Variants in MEGF11 observed in about 807,000 individuals in gnomAD.
MEGF11 encodes multiple EGF like domains 11, also known as multiple epidermal growth factor-like domains protein 11.
MEGF11 carries 126 observed loss-of-function variants against 146.6 expected under a neutral mutation model. The ratio of observed to expected loss-of-function variants is 0.86; its 90% CI spans 0.74 to 1.00. The LOEUF (loss-of-function observed/expected upper bound fraction) is 1.00, where lower values mean the gene tolerates loss of function less well. Ranked by LOEUF, MEGF11 falls within the 50% of genes least tolerant of loss-of-function variation. The pLI, the probability that MEGF11 is intolerant of heterozygous loss-of-function variation, is 0.00. For synonymous variants in MEGF11, 532 were observed against 583.4 expected (o/e 0.91, Z 1.27); for missense variants, 1,509 against 1,521.2 (o/e 0.99, Z 0.13).
At chr15:66,183,449 G>A (rs149589252) in intron 1 of MEGF11, among the ~76,000 whole-genome samples, 92 of 151,434 alleles carry the variant, frequency 6.1e-4, no homozygotes, top group African/African-American at 2.2e-3. Context: ...GCAGTGAGCC[G>A]AGATTGCGCC....
At chr15:66,076,035 G>A (rs1269414078) in intron 5 of MEGF11, among the ~76,000 whole-genome samples, 2 of 152,200 alleles carry the variant, frequency 1.3e-5, no homozygotes, top group Non-Finnish European at 1.5e-5. Flanking sequence ...AAGGGCTTAA[G>A]AAATGTCTGC....
At chr15:66,000,829 C>T (rs557939804) in intron 5 of MEGF11, among the ~76,000 whole-genome samples, 1 of 152,228 alleles carries the variant, frequency 6.6e-6, no homozygotes, top group South Asian at 2.1e-4. Context: ...AAGCGAAAGG[C>T]CCCAGGAAGA....
In MEGF11 at chr15:66,151,595, C is replaced by G. The variant is rs2089573229; in HGVS notation, c.-8-23184G>C. Among the ~76,000 whole-genome samples the G allele has an allele frequency of 2.0e-5, 3 of 152,238 alleles. No individual in the cohort carries two copies. The South Asian group carries it at 6.2e-4, about 32-fold the overall frequency. ...CTGAAATGATAGGAGAAATCCCAGT[C>G]TCCTGATCTTCTAAGGAGTCCTCAG... On this transcript the variant is annotated intron_variant, in intron 1 of 25. Coordinates refer to ENST00000395614, the MANE Select transcript of MEGF11 (RefSeq NM_001385028.1).
chr15:66,199,952 A>G (rs1044384567), intron 1 of MEGF11, among the ~76,000 whole-genome samples: 15 of 149,176 alleles, frequency 1.0e-4, no homozygotes, highest in African/African-American at 3.5e-4. Flanking sequence ...TGGTATATCT[A>G]CAAGATGATC....
rs559412547 is a variant in MEGF11 at position 66,119,360 on chromosome 15, T to A, written c.201-174A>T. ...AAAATCAATAGTGGGATTTGGGCTG[T>A]TGTGATGCAGAATGTATTACTAACA... is the stretch of plus-strand genomic sequence containing the variant. On this transcript the variant is annotated intron_variant, in intron 3 of 25. Coordinates refer to ENST00000395614, the MANE Select transcript of MEGF11 (RefSeq NM_001385028.1). Among the ~76,000 whole-genome samples the A allele has an allele frequency of 5.3e-5, 8 of 152,342 alleles. No individual in the cohort carries two copies. In the South Asian group the frequency reaches 1.7e-3, roughly 32 times the overall value.
chr15:66,007,529 C>T (rs1596982148), intron 5 of MEGF11, among the ~76,000 whole-genome samples: 2 of 152,128 alleles, frequency 1.3e-5, no homozygotes, highest in Non-Finnish European at 2.9e-5. Flanking sequence ...GTGGGTGGAT[C>T]ACTTGAGACT....
At chr15:65,899,683 G>C (rs767981975) in intron 24 of MEGF11, among the ~76,000 whole-genome samples, 8 of 152,196 alleles carry the variant, frequency 5.3e-5, no homozygotes, top group Non-Finnish European at 1.2e-4. Flanking sequence ...TAAAAAGCAC[G>C]TCAGTCTTAA....
At chr15:65,903,439 G>C (rs1382350420) in intron 24 of MEGF11, among the ~76,000 whole-genome samples, 2 of 152,226 alleles carry the variant, frequency 1.3e-5, no homozygotes, top group Non-Finnish European at 2.9e-5. Flanking sequence ...GAGTTCTTCA[G>C]TAAGTAACAG....
intron 5 of MEGF11, among the ~76,000 whole-genome samples, chr15:66,054,317 C>T (rs1008531743): frequency 8.5e-5 from 13 of 152,234 alleles, no homozygotes; most frequent in African/African-American, 2.9e-4. Context: ...AAATTCTCTG[C>T]AGGCTCCTCC....
intron 5 of MEGF11, among the ~76,000 whole-genome samples, chr15:66,090,973 G>T (rs1046399283): frequency 2.0e-5 from 3 of 152,208 alleles, no homozygotes; most frequent in African/African-American, 7.2e-5. Context: ...TATCTCTGGG[G>T]TGGAGAGTTA....
At chr15:66,192,273 G>A (rs1211001179) in intron 1 of MEGF11, among the ~76,000 whole-genome samples, 1 of 150,786 alleles carries the variant, frequency 6.6e-6, no homozygotes, top group Non-Finnish European at 1.5e-5. Context: ...TTGGAGACCA[G>A]TCTGGCCAAC....
chr15:66,100,914 G>A (rs1049462865), intron 4 of MEGF11, among the ~76,000 whole-genome samples: 1 of 150,328 alleles, frequency 6.7e-6, no homozygotes, highest in Non-Finnish European at 1.5e-5. Flanking sequence ...GTGGGTGAGT[G>A]AGTGGGTAGG....
intron 24 of MEGF11, among the ~76,000 whole-genome samples, chr15:65,904,927 C>T (rs182521803): frequency 4.4e-4 from 67 of 152,326 alleles, no homozygotes; most frequent in Non-Finnish European, 6.9e-4. Context: ...GAGTCTTGTT[C>T]TGTTGCCCAG....
At chr15:66,046,378 C>T (rs933922973) in intron 5 of MEGF11, among the ~76,000 whole-genome samples, 13 of 152,148 alleles carry the variant, frequency 8.5e-5, no homozygotes, top group Non-Finnish European at 1.3e-4. Flanking sequence ...GGAAGCACAC[C>T]CCAGACTCCA....
chr15:65,961,235 T>G (rs1369825822), intron 9 of MEGF11, among the ~76,000 whole-genome samples: 1 of 152,156 alleles, frequency 6.6e-6, no homozygotes, highest in Non-Finnish European at 1.5e-5. Context: ...TGTTTTTGGC[T>G]CAGGCAGAAG....
At chr15:66,033,886 G>C (rs558183846) in intron 5 of MEGF11, among the ~76,000 whole-genome samples, 2 of 152,166 alleles carry the variant, frequency 1.3e-5, no homozygotes, top group African/African-American at 4.8e-5. Flanking sequence ...CTGCCTCCTG[G>C]GTTCAAGCAA....
intron 1 of MEGF11, among the ~76,000 whole-genome samples, chr15:66,220,693 G>C (rs749625743): frequency 1.3e-5 from 2 of 151,710 alleles, no homozygotes; most frequent in Admixed American, 6.6e-5. Flanking sequence ...GTGTGCCACC[G>C]TGCCTGGCTA....
At chr15:66,025,006 G>A (rs566883043) in intron 5 of MEGF11, among the ~76,000 whole-genome samples, 8 of 144,892 alleles carry the variant, frequency 5.5e-5, no homozygotes, top group Non-Finnish European at 1.1e-4. Flanking sequence ...GTTAATGGCC[G>A]TCAGGGGAAA....
At chr15:66,142,830 G>A (rs529968095) in intron 1 of MEGF11, among the ~76,000 whole-genome samples, 5 of 152,218 alleles carry the variant, frequency 3.3e-5, no homozygotes, top group Non-Finnish European at 7.3e-5. Flanking sequence ...CAAGCAGGTG[G>A]TCTCGCTTGA....
Sources: gnomAD v4.1 joint callset for allele counts (sites outside exome capture counted in the v4.1 genomes callset) on GRCh38, gnomAD v4.1.1 for gene constraint, MANE v1.5 for transcripts, NCBI Gene and HGNC (gene_info 2026-07-23, HGNC 2026-07-21) for gene names.